Variants in CLMP observed in about 807,000 individuals in gnomAD.
The protein encoded by CLMP is CXADR-like membrane protein.
Under a neutral mutation model 45.2 loss-of-function variants are expected in CLMP, and 27 were observed. That is an observed-to-expected ratio of 0.60 (90% CI 0.44 to 0.82). CLMP has a LOEUF of 0.82. CLMP is among the 40% of genes least tolerant of loss of function. CLMP has a pLI of 0.00. For synonymous variants in CLMP, 167 were observed against 171.4 expected (o/e 0.97, Z 0.20); for missense variants, 403 against 448.4 (o/e 0.90, Z 0.91).
At chr11:123,087,362 A>C (rs1470751839) in intron 2 of CLMP, among the ~76,000 whole-genome samples, 1 of 151,714 alleles carries the variant, frequency 6.6e-6, no homozygotes, top group Non-Finnish European at 1.5e-5. Flanking sequence ...AGAAAGAAAA[A>C]ACTAGGTGTG....
chr11:123,176,099 GCACT>G (rs1473822158), intron 1 of CLMP, among the ~76,000 whole-genome samples: 1 of 152,186 alleles, frequency 6.6e-6, no homozygotes, highest in Non-Finnish European at 1.5e-5. Context: ...TGTACATTTA[GCACT>G]CACTAAGTGT....
chr11:123,157,011 G>A (rs976495827), intron 1 of CLMP, among the ~76,000 whole-genome samples: 2 of 152,172 alleles, frequency 1.3e-5, no homozygotes, highest in African/African-American at 4.8e-5. Context: ...TTTACTCCCA[G>A]GAAAACAGAG....
chr11:123,151,730 A>T (rs111618435), intron 1 of CLMP, among the ~76,000 whole-genome samples: 208 of 152,320 alleles, frequency 1.4e-3, no homozygotes, highest in African/African-American at 4.8e-3. Context: ...TCCTGCTGAG[A>T]TATGAAGTAT....
intron 1 of CLMP, among the ~76,000 whole-genome samples, chr11:123,126,716 T>C (rs1860900418): frequency 6.6e-6 from 1 of 151,958 alleles, no homozygotes; most frequent in African/African-American, 2.4e-5. Context: ...GCAAACACGG[T>C]GAAACCCCGT....
intron 1 of CLMP, among the ~76,000 whole-genome samples, chr11:123,168,306 G>A (rs1228005896): frequency 1.3e-5 from 2 of 152,124 alleles, no homozygotes; most frequent in Middle Eastern, 3.4e-3. Flanking sequence ...CCAGAGCTGG[G>A]GCCACGGCAC....
chr11:123,192,918 C>T (rs1467385463), intron 1 of CLMP: 1 of 152,248 alleles, frequency 6.6e-6, no homozygotes, highest in Non-Finnish European at 1.5e-5. Flanking sequence ...TCTGCCTTTG[C>T]TGAACAGTGT....
At chr11:123,160,727 C>T (rs1446254548) in intron 1 of CLMP, among the ~76,000 whole-genome samples, 1 of 152,052 alleles carries the variant, frequency 6.6e-6, no homozygotes, top group Non-Finnish European at 1.5e-5. Flanking sequence ...CCTGTAATCC[C>T]AGAACTTTGG....
chr11:123,165,401 A>C (rs1165691085), intron 1 of CLMP, among the ~76,000 whole-genome samples: 2 of 152,214 alleles, frequency 1.3e-5, no homozygotes, highest in Non-Finnish European at 2.9e-5. Context: ...TAAAACAACA[A>C]AATAGTGTAT....
In CLMP at chr11:123,114,469, TTCC is replaced by T. The variant is rs754312099; in HGVS notation, c.29-16520_29-16518del. 1.5e-4 allele frequency among the ~76,000 whole-genome samples: 13 copies of T among 86,410 alleles called. No homozygotes were observed. In the South Asian group the frequency reaches 1.6e-3, roughly 11 times the overall value. 56.7% of individuals were successfully genotyped at this position (86,410 alleles called of 152,430 possible). The stretch of plus-strand genomic sequence containing the variant: ...CTCCCTCTCTCCCTCCCTTCCTTCC[TTCC>T]TTTTTTTTTTTTTGAGATGGGGGAG... On this transcript the variant is annotated intron_variant, in intron 1 of 6. Transcript: ENST00000448775.
chr11:123,103,059 C>A (rs1297839965), intron 1 of CLMP, among the ~76,000 whole-genome samples: 1 of 151,948 alleles, frequency 6.6e-6, no homozygotes, highest in Non-Finnish European at 1.5e-5. Context: ...AAACTAAGAC[C>A]CAGGGGTAAA....
intron 1 of CLMP, among the ~76,000 whole-genome samples, chr11:123,121,586 C>A (rs1338468806): frequency 6.6e-6 from 1 of 152,104 alleles, no homozygotes; most frequent in Non-Finnish European, 1.5e-5. Context: ...GTGTGAGCCA[C>A]CTCACCTGGC....
In CLMP at chr11:123,158,676, G is replaced by C. The variant is rs1320830880; in HGVS notation, c.28+36237C>G. Among the ~76,000 whole-genome samples the C allele has an allele frequency of 2.0e-5, 3 of 152,226 alleles. No homozygotes were observed. In the East Asian group the frequency reaches 5.8e-4, roughly 29 times the overall value. ...CTCTAAAATCAGGGTTAGTTCAACT[G>C]TTGTCCTTATGCTGTGCTGAGTTTA... On this transcript the variant is annotated intron_variant, in intron 1 of 6. Coordinates refer to ENST00000448775, the MANE Select transcript of CLMP (RefSeq NM_024769.5).
At chr11:123,164,078 G>A (rs1233463574) in intron 1 of CLMP, among the ~76,000 whole-genome samples, 2 of 152,128 alleles carry the variant, frequency 1.3e-5, no homozygotes, top group East Asian at 3.8e-4. Context: ...ATTTATCAGT[G>A]TTTGCTCTGT....
At chr11:123,115,589 A>G (rs1456635881) in intron 1 of CLMP, among the ~76,000 whole-genome samples, 1 of 152,130 alleles carries the variant, frequency 6.6e-6, no homozygotes. Flanking sequence ...AGAAACAGAA[A>G]AAAAAAATCT....
chr11:123,083,756 C>A lies in CLMP; in HGVS notation c.480G>T (p.Glu160Asp). ...TTCGCTGCCAGTAATACACAATGGG[C>A]TCTGTGCCAGAGGATGACTCACACT... Reference protein sequence around the residue: ...TLQCESSSGTEPIVYYWQRIR... With the variant: ...TLQCESSSGTDPIVYYWQRIR... Residue 160 changes from glutamate (E) to aspartate (D), a missense_variant, in exon 4 of 7, where the codon GAG becomes GAT. Transcript: ENST00000448775. 1.9e-6 allele frequency: 3 copies of A among 1,614,092 alleles called. No homozygotes were observed. The South Asian group carries it at 3.3e-5, about 18-fold the overall frequency.
intron 1 of CLMP, among the ~76,000 whole-genome samples, chr11:123,136,560 ATT>A (rs34074982): frequency 0.017 from 1,500 of 85,810 alleles, 22 homozygotes; most frequent in African/African-American, 0.066. Flanking sequence ...CTTTTAAGTA[ATT>A]TTTTTTTTTT....
At chr11:123,162,738 A>T (rs920914899) in intron 1 of CLMP, among the ~76,000 whole-genome samples, 1 of 151,936 alleles carries the variant, frequency 6.6e-6, no homozygotes, top group Non-Finnish European at 1.5e-5. Flanking sequence ...TCTAAAAAAA[A>T]AAATACAAAA....
chr11:123,186,277 C>T (rs1861833444), intron 1 of CLMP, among the ~76,000 whole-genome samples: 1 of 152,186 alleles, frequency 6.6e-6, no homozygotes. Flanking sequence ...ATAGTACTTG[C>T]TCAGTTAAAC....
At chr11:123,190,689 T>C (rs114432314) in intron 1 of CLMP, among the ~76,000 whole-genome samples, 4,410 of 152,282 alleles carry the variant, frequency 0.029, 73 homozygotes, top group African/African-American at 0.045. Flanking sequence ...TCCAGTTACG[T>C]TGGCAAAATT....
Sources: allele counts gnomAD v4.1 joint callset (sites outside exome capture counted in the v4.1 genomes callset), GRCh38; gene constraint gnomAD v4.1.1; transcripts MANE v1.5; gene names NCBI Gene and HGNC (gene_info 2026-07-23, HGNC 2026-07-21).